Variants in STXBP5L observed in about 807,000 individuals in gnomAD.
STXBP5L encodes syntaxin-binding protein 5-like.
A neutral mutation model predicts 144.5 loss-of-function variants in STXBP5L; 65 were observed. The ratio of observed to expected loss-of-function variants is 0.45; its 90% confidence interval spans 0.37 to 0.55. The LOEUF (loss-of-function observed/expected upper bound fraction) is 0.55, where lower values mean the gene tolerates loss of function less well. Among genes scored for constraint, STXBP5L ranks in the 20% least tolerant of loss-of-function variants. The pLI, the probability that STXBP5L is intolerant of heterozygous loss-of-function variation, is 0.00. For missense variants in STXBP5L, 1,298 were observed against 1,405.5 expected, an observed-to-expected ratio of 0.92 and a Z score of 1.22; for synonymous variants, 505 against 469.6, an observed-to-expected ratio of 1.08 and a Z score of -0.97.
chr3:121,192,081 A>C (rs991079055), intron 9 of STXBP5L, among the ~76,000 whole-genome samples: 2 of 152,170 alleles, frequency 1.3e-5, no homozygotes, highest in African/African-American at 4.8e-5. Context: ...TGTAGCCTAG[A>C]ACCGAAAGTA....
At chr3:121,359,168 A>G (rs1354240728) in intron 20 of STXBP5L, among the ~76,000 whole-genome samples, 2 of 152,084 alleles carry the variant, frequency 1.3e-5, no homozygotes, top group Non-Finnish European at 2.9e-5. Flanking sequence ...GCGAGATGAT[A>G]TCTCATTAGT....
At chr3:121,185,248 G>A (rs1046145776) in intron 9 of STXBP5L, among the ~76,000 whole-genome samples, 1 of 152,190 alleles carries the variant, frequency 6.6e-6, no homozygotes, top group Admixed American at 6.5e-5. Context: ...TCTGTAGGTT[G>A]CCTGTTCACT....
chr3:121,369,053 G>A (rs78979144), intron 20 of STXBP5L, among the ~76,000 whole-genome samples: 1 of 152,154 alleles, frequency 6.6e-6, no homozygotes, highest in Admixed American at 6.5e-5. Context: ...ATAGAGGGGG[G>A]TTTTGTTGGT....
intron 10 of STXBP5L, among the ~76,000 whole-genome samples, chr3:121,211,578 CTTTTTTT>C (rs1188424283): frequency 9.1e-6 from 1 of 110,260 alleles, no homozygotes; most frequent in African/African-American, 3.5e-5. Flanking sequence ...TTTTTTCTTT[CTTTTTTT>C]TTTTTTTTTT....
At chr3:121,158,232 A>G (rs1005819843) in intron 9 of STXBP5L, 16 of 152,234 alleles carry the variant, frequency 1.1e-4, no homozygotes, top group African/African-American at 3.4e-4. Context: ...GTATAAATAT[A>G]TATAATTCAG....
At chr3:121,273,475 G>A (rs2050789088) in intron 18 of STXBP5L, among the ~76,000 whole-genome samples, 1 of 151,982 alleles carries the variant, frequency 6.6e-6, no homozygotes, top group Non-Finnish European at 1.5e-5. Context: ...TAATGTGTCT[G>A]TGTGAAGCTG....
At chr3:121,069,289 A>C (rs1370406010) in intron 5 of STXBP5L, among the ~76,000 whole-genome samples, 3 of 152,200 alleles carry the variant, frequency 2.0e-5, no homozygotes, top group African/African-American at 7.2e-5. Flanking sequence ...TACAAAGCAT[A>C]ATTTCCTGGA....
chr3:121,132,802 A>T (rs959048626), intron 7 of STXBP5L, among the ~76,000 whole-genome samples: 9 of 152,266 alleles, frequency 5.9e-5, no homozygotes, highest in Admixed American at 5.2e-4. Context: ...AAAAGTACTA[A>T]ACAGAAGGCA....
intron 5 of STXBP5L, among the ~76,000 whole-genome samples, chr3:121,091,539 G>A (rs1215398425): frequency 1.3e-5 from 2 of 152,156 alleles, no homozygotes; most frequent in African/African-American, 4.8e-5. Context: ...GTGATGGTGA[G>A]CATTTTTTCA....
chr3:121,196,215 A>G (rs1265512613), intron 9 of STXBP5L, among the ~76,000 whole-genome samples: 3 of 151,430 alleles, frequency 2.0e-5, no homozygotes, highest in Non-Finnish European at 4.4e-5. Context: ...GCTGGAGTGC[A>G]GTGGCACAAT....
intron 3 of STXBP5L, among the ~76,000 whole-genome samples, chr3:121,000,685 C>T (rs369172126): frequency 4.6e-5 from 7 of 152,316 alleles, no homozygotes; most frequent in Non-Finnish European, 8.8e-5. Flanking sequence ...GGTAAGAAGG[C>T]ACTCCGGATT....
chr3:121,252,435 A>G (rs188916648), intron 15 of STXBP5L, among the ~76,000 whole-genome samples: 1 of 152,244 alleles, frequency 6.6e-6, no homozygotes, highest in African/African-American at 2.4e-5. Flanking sequence ...TAACACTTTA[A>G]TTATTAGAGT....
chr3:120,991,049 C>G (rs1183413002), intron 3 of STXBP5L, among the ~76,000 whole-genome samples: 4 of 151,884 alleles, frequency 2.6e-5, no homozygotes, highest in Non-Finnish European at 4.4e-5. Flanking sequence ...AGGCAACCTA[C>G]AGAATGGGAG....
Position 121,238,988 on chromosome 3 carries a change from A to C in STXBP5L, c.1202A>C (p.Asn401Thr). 3 of 1,596,654 alleles carry C rather than the reference A, an allele frequency of 1.9e-6. No individual in the cohort carries two copies. Among genetic ancestry groups the C allele is most frequent in the Non-Finnish European group, 1.7e-6 (2 of 1,172,788 alleles). The stretch of plus-strand genomic sequence containing the variant: ...TCTATTAGTTTTCCAATCTTTGAAA[A>C]TCCATATCCCATGGACATTCATGAA... ...LTQSNFPIFE[N>T]PYPMDIHESP... Residue 401 changes from asparagine (N) to threonine (T), a missense_variant, in exon 13 of 27, where the codon AAT becomes ACT. Asn to Thr is a moderately conservative substitution (Grantham distance 65). Transcript: ENST00000471454.
At chr3:121,233,750 TG>T in intron 12 of STXBP5L, 62 bp downstream of exon 12, 1 of 1,235,740 alleles carries the variant, frequency 8.1e-7, no homozygotes, top group South Asian at 1.4e-5. Flanking sequence ...TATTGGCATT[TG>T]TATTCTTTTG....
chr3:121,008,977 A>G (rs1944568035), intron 3 of STXBP5L, among the ~76,000 whole-genome samples: 1 of 151,732 alleles, frequency 6.6e-6, no homozygotes, highest in Non-Finnish European at 1.5e-5. Context: ...GAGGAATGAT[A>G]TCATATTGAT....
chr3:121,068,166 T>C (rs1165674767), intron 5 of STXBP5L, among the ~76,000 whole-genome samples: 1 of 151,922 alleles, frequency 6.6e-6, no homozygotes, highest in Non-Finnish European at 1.5e-5. Flanking sequence ...CACACCACCA[T>C]GCCCAGCTAA....
chr3:121,013,283 G>T (rs1944913092), intron 3 of STXBP5L, among the ~76,000 whole-genome samples: 1 of 151,968 alleles, frequency 6.6e-6, no homozygotes, highest in African/African-American at 2.4e-5. Flanking sequence ...ACTTTCCACA[G>T]AGGCTGAACT....
At chr3:121,032,308 T>G (rs953278016) in intron 3 of STXBP5L, among the ~76,000 whole-genome samples, 5 of 149,434 alleles carry the variant, frequency 3.3e-5, no homozygotes, top group Non-Finnish European at 7.4e-5. Context: ...GGAAGAAGAA[T>G]GTATCATGAA....
Sources: allele counts gnomAD v4.1 joint callset (sites outside exome capture counted in the v4.1 genomes callset), GRCh38; gene constraint gnomAD v4.1.1; transcripts MANE v1.5; gene names NCBI Gene and HGNC (gene_info 2026-07-23, HGNC 2026-07-21).